FAT4: variants seen among roughly 807,000 people sequenced by gnomAD.
FAT4 encodes the protein protocadherin Fat 4.
In FAT4, 84 loss-of-function variants were observed where a neutral mutation model predicts 303.9. The ratio of observed to expected loss-of-function variants is 0.28; its 90% CI spans 0.23 to 0.33. The LOEUF (loss-of-function observed/expected upper bound fraction) is 0.33, where lower values mean the gene tolerates loss of function less well. Ranked by LOEUF, FAT4 falls within the 10% of genes least tolerant of loss-of-function variation. FAT4 has a pLI of 1.00. For synonymous variants in FAT4, 2,307 were observed against 2,298.8 expected (o/e 1.00, Z -0.10); for missense variants, 6,005 against 6,146.8 (o/e 0.98, Z 0.77).
intron 4 of FAT4, 103 bp downstream of exon 4, chr4:125,407,244 T>TTG: frequency 3.1e-6 from 3 of 975,966 alleles, no homozygotes; most frequent in African/African-American, 1.6e-5. Flanking sequence ...TTTTTAATCA[T>TTG]ATACTACTAG....
intron 2 of FAT4, among the ~76,000 whole-genome samples, chr4:125,322,800 G>A (rs1468514283): frequency 6.6e-6 from 1 of 151,412 alleles, no homozygotes; most frequent in African/African-American, 2.4e-5. Context: ...CTATGGATGG[G>A]GAAGAATATT....
At chr4:125,402,437 T>G (rs2126015746) in intron 3 of FAT4, among the ~76,000 whole-genome samples, 1 of 152,134 alleles carries the variant, frequency 6.6e-6, no homozygotes, top group Admixed American at 6.6e-5. Flanking sequence ...ATTGAAAGTT[T>G]TTGTTAAACC....
Position 125,318,149 on chromosome 4 carries a change from C to A in FAT4, c.1738C>A (p.Pro580Thr). ...VTLLDVNDEK[P>T]VFSQPEGYDV... ...TCTCCTAGATGTGAATGATGAAAAGCCAGTATTTAGCCAGCCAGAAGGGTA... is the reference window on the plus strand; with the variant it reads ...TCTCCTAGATGTGAATGATGAAAAGACAGTATTTAGCCAGCCAGAAGGGTA... The change falls in exon 2 of 18, where the codon CCA becomes ACA. Residue 580 changes from proline (P) to threonine (T), a missense_variant. Pro to Thr is a conservative substitution (Grantham distance 38). Transcript: ENST00000394329. 1 of 1,614,140 alleles carries A rather than the reference C, an allele frequency of 6.2e-7. No individual in the cohort carries two copies. The highest frequency in any genetic ancestry group is 1.1e-5 in the South Asian group (1 of 91,078).
rs1725350304 is a variant in FAT4, at chr4:125,433,574, C to T, written c.7019-671C>T. ...TGTTTGGCAAATGTTGGGTTTTCAC[C>T]ATATATTGATAGCAGCTGGAACAGG... On this transcript the variant is annotated intron_variant, in intron 7 of 17. Transcript: ENST00000394329. Among the ~76,000 whole-genome samples the T allele has an allele frequency of 2.0e-5, 3 of 152,234 alleles. No individual in the cohort carries two copies. In the South Asian group the frequency reaches 6.2e-4, roughly 32 times the overall value.
In FAT4 at chr4:125,316,315, C is replaced by T. The variant is rs1045286711; in HGVS notation, c.-12-85C>T. ...CAGAGGTCTCAGACCAAGCCGTCAGCTGAATCTTTGCTGGCGCTCCTTAAT... is the reference window on the plus strand; with the variant it reads ...CAGAGGTCTCAGACCAAGCCGTCAGTTGAATCTTTGCTGGCGCTCCTTAAT... On this transcript the variant is annotated intron_variant, in intron 1 of 17. Coordinates refer to ENST00000394329, the MANE Select transcript of FAT4 (RefSeq NM_001291303.3). This position sits in a 1 kb window ranked among gnomAD's most constrained non-coding sequence, Gnocchi z 5.7. 6.8e-6 allele frequency: 10 copies of T among 1,474,232 alleles called. No individual in the cohort carries two copies. The East Asian group carries it at 1.1e-4, about 17-fold the overall frequency. The allele number at this position is 1,474,232 out of a possible 1,614,324, so 91.3% of individuals were successfully genotyped here.
chr4:125,347,601 T>C (rs1732053499), intron 2 of FAT4, among the ~76,000 whole-genome samples: 1 of 151,574 alleles, frequency 6.6e-6, no homozygotes, highest in South Asian at 2.1e-4. Context: ...AGCATAAATA[T>C]AAATCATAAA....
At position 125,416,635 on chromosome 4, in the gene FAT4, C is replaced by T. The variant is rs745635478; in HGVS notation, c.7018+13C>T. On this transcript the variant is annotated intron_variant, in intron 7 of 17. Coordinates refer to ENST00000394329, the MANE Select transcript of FAT4 (RefSeq NM_001291303.3). ...GCTACAGATTCAGGTAAGTCCATTA[C>T]ACCCTTGTTCATTTGTAGATAATTT... The T allele has an allele frequency of 2.5e-6, 4 of 1,611,356 alleles. No individual in the cohort carries two copies. Among genetic ancestry groups the T allele is most frequent in the East Asian group, 2.2e-5 (1 of 44,782 alleles).
intron 7 of FAT4, among the ~76,000 whole-genome samples, chr4:125,422,948 C>T (rs1200764248): frequency 6.6e-6 from 1 of 152,118 alleles, no homozygotes; most frequent in East Asian, 1.9e-4. Flanking sequence ...GAAACTGGAG[C>T]AAAGGTCACT....
chr4:125,415,028 A>G lies in FAT4; in HGVS notation c.6065A>G (p.Asp2022Gly), dbSNP rs201955941. ...SFYNLVVQVHDLPQIPASRFT... is the reference protein window; with the variant it reads ...SFYNLVVQVHGLPQIPASRFT... ...TACAACTTGGTTGTTCAAGTGCATGACCTGCCACAGATTCCAGCCTCCAGA... is the reference window on the plus strand; with the variant it reads ...TACAACTTGGTTGTTCAAGTGCATGGCCTGCCACAGATTCCAGCCTCCAGA... The change falls in exon 6 of 18, where the codon GAC becomes GGC. Residue 2022 changes from aspartate (D) to glycine (G), a missense_variant. By Grantham distance (94) the Asp-to-Gly change is moderately conservative. Transcript: ENST00000394329. The G allele has an allele frequency of 6.2e-7, 1 of 1,613,514 alleles. No homozygotes were observed. The highest frequency in any genetic ancestry group is 1.3e-5 in the African/African-American group (1 of 75,022).
rs762147109 is a variant in FAT4, at chr4:125,316,443, G to A, written c.32G>A (p.Arg11His). The change falls in exon 2 of 18, where the codon CGC (arginine) becomes CAC (histidine). Residue 11 changes from arginine (R) to histidine (H), a missense_variant. Transcript: ENST00000394329. This position sits in a 1 kb window ranked among gnomAD's most constrained non-coding sequence, Gnocchi z 5.7. ...TTAGCACCAGACAGGGCTACTGGCCGCCCGTGGCTCCCGTTGCACACTCTA... is the reference window on the plus strand; with the variant it reads ...TTAGCACCAGACAGGGCTACTGGCCACCCGTGGCTCCCGTTGCACACTCTA... Reference protein sequence around the residue: MDLAPDRATGRPWLPLHTLSV... With the variant: MDLAPDRATGHPWLPLHTLSV... The A allele has an allele frequency of 6.2e-7, 1 of 1,612,900 alleles. No individual in the cohort carries two copies. Among genetic ancestry groups the A allele is most frequent in the African/African-American group, 1.3e-5 (1 of 74,886 alleles).
At position 125,321,280 on chromosome 4, in the gene FAT4, C is replaced by A; in HGVS notation, c.4869C>A (p.Gly1623=). The change falls in exon 2 of 18, where the codon GGC becomes GGA. Residue 1623 remains glycine (G), a synonymous_variant. Coordinates refer to ENST00000394329, the MANE Select transcript of FAT4 (RefSeq NM_001291303.3). ...STTELTIILQ[G]LDGPVFTQPK... ...CTGAATTGACCATCATTCTTCAGGG[C>A]CTTGATGGACCTGTTTTTACTCAAC... The A allele has an allele frequency of 6.2e-7, 1 of 1,613,906 alleles. No homozygotes were observed. The highest frequency in any genetic ancestry group is 1.1e-5 in the South Asian group (1 of 91,076).
rs189815925 is a variant in FAT4 at position 125,491,353 on chromosome 4, C to T, written c.14537C>T (p.Ser4846Phe). Reference protein sequence around the residue: ...PAPESSSDSDSHESFTCSEME... With the variant: ...PAPESSSDSDFHESFTCSEME... ...CCAGAATCCTCTTCTGATAGTGACT[C>T]CCATGAATCTTTCACTTGCTCAGAA... is the stretch of plus-strand genomic sequence containing the variant. The change falls in exon 18 of 18, where the codon TCC (serine) becomes TTC (phenylalanine). Residue 4846 changes from serine (S) to phenylalanine (F), a missense_variant. Coordinates refer to ENST00000394329, the MANE Select transcript of FAT4 (RefSeq NM_001291303.3). The T allele has an allele frequency of 3.7e-6, 6 of 1,614,142 alleles. No individual in the cohort carries two copies. The highest frequency in any genetic ancestry group is 3.3e-5 in the Admixed American group (2 of 60,014).
intron 3 of FAT4, among the ~76,000 whole-genome samples, chr4:125,402,390 G>A (rs950018305): frequency 3.3e-5 from 5 of 151,952 alleles, no homozygotes; most frequent in African/African-American, 1.2e-4. Flanking sequence ...CAGAACAAAT[G>A]TACAGAGTGT....
At chr4:125,373,393 T>A (rs916052606) in intron 2 of FAT4, among the ~76,000 whole-genome samples, 2 of 152,136 alleles carry the variant, frequency 1.3e-5, no homozygotes, top group Non-Finnish European at 2.9e-5. Context: ...AGAGGTGATA[T>A]CTAAAGGAAA....
Position 125,407,158 on chromosome 4 carries a change from T to C in FAT4, c.5569+17T>C, listed in dbSNP as rs1218361083. 2 of 1,587,046 alleles carry C rather than the reference T, an allele frequency of 1.3e-6. No homozygotes were observed. Among genetic ancestry groups the C allele is most frequent in the African/African-American group, 2.7e-5 (2 of 74,000 alleles). Reference sequence around the variant, plus strand: ...CAATCCCTGGTAGGTGATGGGTCTCTTATGTGTATTTTGCAAGAATCGCTT... The same window carrying C: ...CAATCCCTGGTAGGTGATGGGTCTCCTATGTGTATTTTGCAAGAATCGCTT... On this transcript the variant is annotated intron_variant, in intron 4 of 17. Coordinates refer to ENST00000394329, the MANE Select transcript of FAT4 (RefSeq NM_001291303.3).
chr4:125,440,176 C>T (rs9307564), intron 8 of FAT4, among the ~76,000 whole-genome samples: 62,072 of 151,752 alleles, frequency 0.41, 13,058 homozygotes, highest in Non-Finnish European at 0.46. Flanking sequence ...ATTGAATGAA[C>T]GATTTTAATA....
chr4:125,432,903 T>A (rs947145174), intron 7 of FAT4, among the ~76,000 whole-genome samples: 1 of 152,174 alleles, frequency 6.6e-6, no homozygotes, highest in Admixed American at 6.6e-5. Flanking sequence ...TGCTTCTTTA[T>A]TGTGCTCTGC....
At chr4:125,471,317 G>C (rs995582868) in intron 12 of FAT4, among the ~76,000 whole-genome samples, 2 of 152,194 alleles carry the variant, frequency 1.3e-5, no homozygotes, top group East Asian at 3.9e-4. Context: ...AGCACATGCT[G>C]TTGGAAAAAT....
chr4:125,337,860 C>A (rs1731634335), intron 2 of FAT4, among the ~76,000 whole-genome samples: 1 of 152,072 alleles, frequency 6.6e-6, no homozygotes, highest in Non-Finnish European at 1.5e-5. Flanking sequence ...CACTTGGGTA[C>A]AATCATGACT....
Sources: gnomAD v4.1 joint callset for allele counts (sites outside exome capture counted in the v4.1 genomes callset) on GRCh38, gnomAD v4.1.1 for gene constraint, Gnocchi (gnomAD v3.1) non-coding constraint, MANE v1.5 for transcripts, NCBI Gene and HGNC (gene_info 2026-07-23, HGNC 2026-07-21) for gene names.